LRBA: variants seen among roughly 807,000 people sequenced by gnomAD.
The protein encoded by LRBA is LPS responsive beige-like anchor protein, also known as lipopolysaccharide-responsive and beige-like anchor protein.
A neutral mutation model predicts 330.0 loss-of-function variants in LRBA; 176 were observed. That is an observed-to-expected ratio of 0.53 (90% CI 0.47 to 0.60). The LOEUF (loss-of-function observed/expected upper bound fraction) is 0.60, where lower values mean the gene tolerates loss of function less well. Among genes scored for constraint, LRBA ranks in the 20% least tolerant of loss-of-function variants. The pLI is 0.00. For missense variants in LRBA, 3,259 were observed against 3,444.8 expected, an observed-to-expected ratio of 0.95 and a Z score of 1.35; for synonymous variants, 1,230 against 1,193.0, an observed-to-expected ratio of 1.03 and a Z score of -0.64.
intron 40 of LRBA, among the ~76,000 whole-genome samples, chr4:150,531,390 T>C (rs1764038938): frequency 6.6e-6 from 1 of 152,206 alleles, no homozygotes; most frequent in South Asian, 2.1e-4. Context: ...CCTAGAATGT[T>C]CTTTTCATTA....
chr4:150,638,263 G>A (rs575494017), intron 37 of LRBA, among the ~76,000 whole-genome samples: 4 of 151,916 alleles, frequency 2.6e-5, no homozygotes, highest in Admixed American at 2.6e-4. Context: ...TCCTGACCTC[G>A]TGATCCACCC....
At chr4:150,380,744 G>A (rs1031263230) in intron 47 of LRBA, among the ~76,000 whole-genome samples, 1 of 152,016 alleles carries the variant, frequency 6.6e-6, no homozygotes, top group African/African-American at 2.4e-5. Context: ...AGGAGGCTGA[G>A]GAGGGTGGAT....
Position 150,489,648 on chromosome 4 carries a change from T to G in LRBA, c.6448+1270A>C, listed in dbSNP as rs1758629496. Among the ~76,000 whole-genome samples, 2 of 121,542 alleles carry G rather than the reference T, an allele frequency of 1.6e-5. 1 individual carries two copies. Among genetic ancestry groups the G allele is most frequent in the East Asian group, 4.5e-4 (2 of 4,474 alleles). 79.7% of individuals were successfully genotyped at this position (121,542 alleles called of 152,430 possible). A position where few individuals can be genotyped will look rare whatever the true frequency, so the allele number is the denominator to read the frequency against. ...ATATATAATATATAAGAATATATAA[T>G]ATATAATATTATATATAAGAATATA... is the stretch of plus-strand genomic sequence containing the variant. On this transcript the variant is annotated intron_variant, in intron 41 of 56. Coordinates refer to ENST00000651943, the MANE Select transcript of LRBA (RefSeq NM_001364905.1).
chr4:150,307,722 C>A (rs1313162979), intron 52 of LRBA, among the ~76,000 whole-genome samples: 2 of 152,038 alleles, frequency 1.3e-5, no homozygotes, highest in African/African-American at 2.4e-5. Flanking sequence ...CTCCAACTGT[C>A]TCTTATACTG....
At chr4:150,737,096 T>G (rs928087123) in intron 35 of LRBA, among the ~76,000 whole-genome samples, 1 of 152,084 alleles carries the variant, frequency 6.6e-6, no homozygotes, top group Admixed American at 6.5e-5. Context: ...TGCATGCCTA[T>G]GGTCCCAGCT....
At chr4:150,548,804 T>C (rs1435292876) in intron 40 of LRBA, among the ~76,000 whole-genome samples, 1 of 152,222 alleles carries the variant, frequency 6.6e-6, no homozygotes, top group East Asian at 1.9e-4. Flanking sequence ...TTTTATTCTC[T>C]CAACAATTGT....
chr4:150,630,893 C>T (rs769710753), intron 37 of LRBA, among the ~76,000 whole-genome samples: 2 of 151,892 alleles, frequency 1.3e-5, no homozygotes, highest in South Asian at 2.1e-4. Flanking sequence ...TTTTTGTTGC[C>T]TAAAACTATC....
intron 7 of LRBA, among the ~76,000 whole-genome samples, chr4:150,916,056 T>C (rs1732549560): frequency 6.6e-6 from 1 of 152,174 alleles, no homozygotes; most frequent in Admixed American, 6.5e-5. Flanking sequence ...ATTTGCTTAA[T>C]CTATCTGACT....
At chr4:150,588,682 T>C (rs1295545872) in intron 39 of LRBA, among the ~76,000 whole-genome samples, 2 of 152,172 alleles carry the variant, frequency 1.3e-5, no homozygotes, top group African/African-American at 4.8e-5. Context: ...CTGATAGAGA[T>C]TTTATGCCAG....
intron 40 of LRBA, among the ~76,000 whole-genome samples, chr4:150,523,259 A>G (rs954694912): frequency 5.9e-5 from 9 of 152,218 alleles, no homozygotes; most frequent in Non-Finnish European, 1.0e-4. Context: ...GTGAAACTTA[A>G]TCTCTATTGT....
intron 40 of LRBA, among the ~76,000 whole-genome samples, chr4:150,500,257 C>A (rs1760091256): frequency 6.6e-6 from 1 of 150,520 alleles, no homozygotes; most frequent in African/African-American, 2.5e-5. Context: ...ATAAAATGAC[C>A]AAAGGTAAAG....
chr4:150,318,359 C>T (rs1363747941), intron 50 of LRBA, among the ~76,000 whole-genome samples: 2 of 152,046 alleles, frequency 1.3e-5, no homozygotes, highest in Admixed American at 1.3e-4. Flanking sequence ...CTAAATCAGA[C>T]ACTACTCAAA....
At chr4:150,270,534 G>C (rs540580955) in intron 56 of LRBA, among the ~76,000 whole-genome samples, 1 of 152,242 alleles carries the variant, frequency 6.6e-6, no homozygotes, top group African/African-American at 2.4e-5. Context: ...TGGTGGGAGA[G>C]AGAGTCATTA....
At chr4:150,324,251 C>A (rs944931686) in intron 49 of LRBA, among the ~76,000 whole-genome samples, 1 of 152,152 alleles carries the variant, frequency 6.6e-6, no homozygotes, top group African/African-American at 2.4e-5. Context: ...TTTGCCAGCA[C>A]CAATGCAGCC....
chr4:150,866,583 C>T (rs763699586), intron 22 of LRBA, among the ~76,000 whole-genome samples: 5 of 152,122 alleles, frequency 3.3e-5, no homozygotes, highest in African/African-American at 4.8e-5. Flanking sequence ...TATTGGAATA[C>T]GATACTTTGG....
intron 5 of LRBA, among the ~76,000 whole-genome samples, chr4:150,918,315 A>C (rs979370162): frequency 6.6e-6 from 1 of 152,228 alleles, no homozygotes; most frequent in African/African-American, 2.4e-5. Flanking sequence ...CTAAATATAC[A>C]TATCTCCAAA....
At chr4:150,893,433 C>T (rs149111434) in intron 16 of LRBA, among the ~76,000 whole-genome samples, 3,455 of 152,220 alleles carry the variant, frequency 0.023, 120 homozygotes, top group African/African-American at 0.079. Flanking sequence ...TCACTGCAAC[C>T]TCTGCCTCCC....
At chr4:150,675,989 T>C (rs974353118) in intron 37 of LRBA, among the ~76,000 whole-genome samples, 1 of 152,192 alleles carries the variant, frequency 6.6e-6, no homozygotes, top group African/African-American at 2.4e-5. Flanking sequence ...AGATTGCCCA[T>C]ATATTTGCAG....
chr4:150,831,523 T>C (rs1359473980), intron 29 of LRBA, among the ~76,000 whole-genome samples: 1 of 152,218 alleles, frequency 6.6e-6, no homozygotes, highest in Non-Finnish European at 1.5e-5. Context: ...TCTCTTAGAA[T>C]ATGAGTTAGT....
Sources: allele counts gnomAD v4.1 joint callset (sites outside exome capture counted in the v4.1 genomes callset), GRCh38; gene constraint gnomAD v4.1.1; transcripts MANE v1.5; gene names NCBI Gene and HGNC (gene_info 2026-07-23, HGNC 2026-07-21).